Variants in CD99L2 observed in about 807,000 individuals in gnomAD.
CD99L2 encodes CD99 molecule like 2.
In CD99L2, 24 loss-of-function variants were observed where a neutral mutation model predicts 27.3. The observed-to-expected ratio is 0.88, with a 90% confidence interval of 0.64 to 1.24. The LOEUF (loss-of-function observed/expected upper bound fraction) is 1.24, where lower values mean the gene tolerates loss of function less well. Ranked by LOEUF, CD99L2 falls within the 50% of genes most tolerant of loss-of-function variation. The pLI, the probability that CD99L2 is intolerant of heterozygous loss-of-function variation, is 0.00. For synonymous variants in CD99L2, 97 were observed against 87.9 expected (o/e 1.10, Z -0.58); for missense variants, 255 against 221.6 (o/e 1.15, Z -0.96).
At chrX:150,887,318 T>C (rs1363522456) in intron 1 of CD99L2, among the ~76,000 whole-genome samples, 1 of 109,253 alleles carries the variant, frequency 9.2e-6, no homozygotes, top group Non-Finnish European at 1.9e-5. Context: ...TGGTGGCGCA[T>C]GCCTGTAATC....
At chrX:150,843,644 C>CT (rs1364984673) in intron 1 of CD99L2, among the ~76,000 whole-genome samples, 3 of 109,196 alleles carry the variant, frequency 2.7e-5, no homozygotes, top group African/African-American at 1.0e-4. Flanking sequence ...CAGTGAGACT[C>CT]TGTCTCAAAA....
At chrX:150,783,045 T>C (rs992390279) in intron 7 of CD99L2, among the ~76,000 whole-genome samples, 5 of 107,911 alleles carry the variant, frequency 4.6e-5, no homozygotes, top group African/African-American at 1.0e-4. Context: ...AGGAAGGAAA[T>C]GCTGGTGCGT....
intron 1 of CD99L2, among the ~76,000 whole-genome samples, chrX:150,880,244 A>G (rs976255365): frequency 1.8e-5 from 2 of 112,335 alleles, no homozygotes; most frequent in East Asian, 5.5e-4. Context: ...ACACCTGTAC[A>G]TAACTGTTCA....
chrX:150,819,092 T>C (rs1435271784), intron 2 of CD99L2: 8 of 319,412 alleles, frequency 2.5e-5, no homozygotes, highest in Non-Finnish European at 3.5e-5. Context: ...CAGTTTTTCA[T>C]CTCCACTGCC....
At chrX:150,891,514 T>C (rs2047511546) in intron 1 of CD99L2, among the ~76,000 whole-genome samples, 2 of 111,892 alleles carry the variant, frequency 1.8e-5, no homozygotes, top group East Asian at 2.8e-4. Context: ...ACCCGGGTGA[T>C]TACATTGGGT....
chrX:150,817,172 A>G (rs1404054406), intron 2 of CD99L2, among the ~76,000 whole-genome samples: 1 of 104,741 alleles, frequency 9.5e-6, no homozygotes, highest in Non-Finnish European at 2.0e-5. Flanking sequence ...CATTGTGCAC[A>G]TGTACCCTAA....
chrX:150,795,308 T>A lies in CD99L2; in HGVS notation c.347-19A>T, dbSNP rs782124267. 1 of 1,209,740 alleles carries A rather than the reference T, an allele frequency of 8.3e-7. No homozygotes were observed. Among genetic ancestry groups the A allele is most frequent in the Non-Finnish European group, 1.1e-6 (1 of 893,757 alleles). ...TCATTTCCTTCATGGGGTCCCAAAA[T>A]AAAAGAAATACTCAATTAGTTCATC... On this transcript the variant is annotated intron_variant, in intron 5 of 10. Coordinates refer to ENST00000370377, the MANE Select transcript of CD99L2 (RefSeq NM_031462.4).
chrX:150,894,040 C>T (rs1457161406), intron 1 of CD99L2, among the ~76,000 whole-genome samples: 1 of 111,465 alleles, frequency 9.0e-6, no homozygotes, highest in African/African-American at 3.3e-5. Context: ...TTAAAGTGTA[C>T]AATTCATGGT....
chrX:150,816,426 A>G (rs1484807838), intron 2 of CD99L2: 1 of 224,615 alleles, frequency 4.5e-6, no homozygotes, highest in African/African-American at 2.8e-5. Flanking sequence ...GAGGGCTCCA[A>G]GCCTTGGTTC....
chrX:150,777,840 G>C (rs1436582645), intron 7 of CD99L2, among the ~76,000 whole-genome samples: 1 of 112,254 alleles, frequency 8.9e-6, no homozygotes, highest in Non-Finnish European at 1.9e-5. Context: ...GGGGTGGGGT[G>C]CTGTGCCGGG....
chrX:150,893,656 A>G (rs1433967784), intron 1 of CD99L2, among the ~76,000 whole-genome samples: 1 of 109,325 alleles, frequency 9.1e-6, no homozygotes, highest in East Asian at 2.9e-4. Flanking sequence ...TCACCCTTTT[A>G]AAGTGTACAA....
chrX:150,882,355 ATAT>A (rs2047343461), intron 1 of CD99L2, among the ~76,000 whole-genome samples: 1 of 112,333 alleles, frequency 8.9e-6, no homozygotes, highest in Admixed American at 9.5e-5. Context: ...GTTCATCCAA[ATAT>A]TATGTACAAA....
At chrX:150,771,705 AGGAG>A (rs2043458849) in intron 9 of CD99L2, 1 of 958,606 alleles carries the variant, frequency 1.0e-6, no homozygotes, top group East Asian at 3.4e-5. Flanking sequence ...CCAGGGAAGC[AGGAG>A]GGAGAAGAGC....
chrX:150,871,887 A>G (rs1391540872), intron 1 of CD99L2, among the ~76,000 whole-genome samples: 3 of 112,303 alleles, frequency 2.7e-5, no homozygotes, highest in African/African-American at 9.7e-5. Flanking sequence ...GAAATAATCT[A>G]TAGTTTCAAT....
chrX:150,872,540 G>GT (rs1325356572), intron 1 of CD99L2, among the ~76,000 whole-genome samples: 2 of 80,483 alleles, frequency 2.5e-5, no homozygotes, highest in Non-Finnish European at 4.7e-5. Flanking sequence ...ACCTCAATAT[G>GT]TTAAAAAAAA....
intron 2 of CD99L2, among the ~76,000 whole-genome samples, chrX:150,824,512 G>C (rs782275331): frequency 8.6e-5 from 7 of 81,144 alleles, no homozygotes; most frequent in Non-Finnish European, 1.7e-4. Context: ...AGAAGAAGAA[G>C]GAAGGAAGAA....
intron 1 of CD99L2, among the ~76,000 whole-genome samples, chrX:150,896,715 TTTTCCCATGG>T (rs1374407739): frequency 8.9e-6 from 1 of 112,347 alleles, no homozygotes; most frequent in Non-Finnish European, 1.9e-5. Context: ...GGGGAACTCA[TTTTCCCATGG>T]TCCCTAAGTA....
intron 2 of CD99L2, among the ~76,000 whole-genome samples, chrX:150,830,364 A>G (rs1231577439): frequency 1.8e-5 from 2 of 110,632 alleles, no homozygotes; most frequent in Non-Finnish European, 3.8e-5. Context: ...CAGCTTGGAC[A>G]AAACAGTGAG....
chrX:150,890,426 T>A (rs1272824875), intron 1 of CD99L2, among the ~76,000 whole-genome samples: 2 of 110,472 alleles, frequency 1.8e-5, no homozygotes, highest in Non-Finnish European at 3.8e-5. Flanking sequence ...TTGCAGTGAG[T>A]CGAGATTGCG....
Sources: allele counts gnomAD v4.1 joint callset (sites outside exome capture counted in the v4.1 genomes callset), GRCh38; gene constraint gnomAD v4.1.1; transcripts MANE v1.5; gene names NCBI Gene and HGNC (gene_info 2026-07-23, HGNC 2026-07-21).